AUTS2: variants seen among roughly 807,000 people sequenced by gnomAD.
The protein encoded by AUTS2 is activator of transcription and developmental regulator AUTS2.
In AUTS2, 17 loss-of-function variants were observed where a neutral mutation model predicts 112.4. That is an observed-to-expected ratio of 0.15 (90% CI 0.10 to 0.23). AUTS2 has a LOEUF of 0.23. AUTS2 is among the 10% of genes least tolerant of loss of function. The pLI is 1.00. For synonymous variants in AUTS2, 751 were observed against 702.7 expected (o/e 1.07, Z -1.09); for missense variants, 1,510 against 1,701.6 (o/e 0.89, Z 1.98).
chr7:69,937,082 G>A (rs557032937), intron 2 of AUTS2, among the ~76,000 whole-genome samples: 3 of 152,136 alleles, frequency 2.0e-5, no homozygotes, highest in Non-Finnish European at 4.4e-5. Context: ...TGTGTGTGAT[G>A]TGGAGTGGCC....
At chr7:70,171,894 GTTT>G (rs11295400) in intron 4 of AUTS2, among the ~76,000 whole-genome samples, 20 of 145,716 alleles carry the variant, frequency 1.4e-4, no homozygotes, top group East Asian at 4.2e-4. Flanking sequence ...TTATAAACAA[GTTT>G]TTTTTTTTGG....
intron 1 of AUTS2, among the ~76,000 whole-genome samples, chr7:69,892,383 A>G (rs890677706): frequency 1.3e-5 from 2 of 151,508 alleles, no homozygotes; most frequent in South Asian, 2.1e-4. Flanking sequence ...ACCTCAGGCA[A>G]TTTGCCTGCC....
Position 70,068,777 on chromosome 7 carries a change from C to G in AUTS2, c.523-49355C>G, listed in dbSNP as rs1431324388. Among the ~76,000 whole-genome samples the G allele has an allele frequency of 2.0e-5, 3 of 152,198 alleles. No individual in the cohort carries two copies. In the East Asian group the frequency reaches 5.8e-4, roughly 29 times the overall value. On this transcript the variant is annotated intron_variant, in intron 2 of 18. Transcript: ENST00000342771. ...TGGCTGACATGTTTTCCTAGCAAAG[C>G]AGAGGTACTTAACTAACCACAGAGA...
At chr7:70,773,396 A>G (rs1790486255) in intron 11 of AUTS2, among the ~76,000 whole-genome samples, 1 of 152,198 alleles carries the variant, frequency 6.6e-6, no homozygotes, top group Non-Finnish European at 1.5e-5. Context: ...TAAGGTTAAT[A>G]TTAGCAATAT....
chr7:69,649,846 C>A (rs1256349338), intron 1 of AUTS2, among the ~76,000 whole-genome samples: 1 of 152,122 alleles, frequency 6.6e-6, no homozygotes, highest in Non-Finnish European at 1.5e-5. Flanking sequence ...TGACTCTCAG[C>A]AAAATCTGGA....
intron 2 of AUTS2, among the ~76,000 whole-genome samples, chr7:70,034,540 T>A (rs931368019): frequency 6.6e-6 from 1 of 152,224 alleles, no homozygotes; most frequent in African/African-American, 2.4e-5. Context: ...ATGATTGCAA[T>A]AAGAACTTTT....
chr7:70,564,370 C>T (rs1801614104), intron 5 of AUTS2, among the ~76,000 whole-genome samples: 1 of 152,136 alleles, frequency 6.6e-6, no homozygotes, highest in African/African-American at 2.4e-5. Flanking sequence ...TGTTTTTATA[C>T]CCAGCACATA....
intron 1 of AUTS2, among the ~76,000 whole-genome samples, chr7:69,648,523 A>AT (rs929200215): frequency 3.6e-4 from 53 of 148,736 alleles, no homozygotes; most frequent in East Asian, 5.9e-4. Flanking sequence ...GTGGGATGGG[A>AT]TTTTTTTTTT....
intron 4 of AUTS2, among the ~76,000 whole-genome samples, chr7:70,329,508 AT>A (rs1790648007): frequency 6.6e-6 from 1 of 151,770 alleles, no homozygotes; most frequent in South Asian, 2.1e-4. Flanking sequence ...TAAATTTGAT[AT>A]GCATTTTCTT....
At chr7:70,273,862 G>T (rs1420156397) in intron 4 of AUTS2, among the ~76,000 whole-genome samples, 1 of 152,154 alleles carries the variant, frequency 6.6e-6, no homozygotes, top group Non-Finnish European at 1.5e-5. Flanking sequence ...AGGGTCAACT[G>T]TGTATCACTT....
At chr7:70,012,979 G>A (rs1799873774) in intron 2 of AUTS2, among the ~76,000 whole-genome samples, 2 of 152,062 alleles carry the variant, frequency 1.3e-5, no homozygotes, top group African/African-American at 2.4e-5. Context: ...AGAAAGAGGA[G>A]GAAAAGAATA....
At chr7:69,908,437 C>A (rs533506920) in intron 2 of AUTS2, among the ~76,000 whole-genome samples, 2 of 152,334 alleles carry the variant, frequency 1.3e-5, no homozygotes, top group African/African-American at 4.8e-5. Flanking sequence ...GGGCTTTTTA[C>A]ACCTAGGGGT....
In AUTS2 at chr7:69,899,079, T is replaced by C. The variant is rs563341814; in HGVS notation, c.310-207T>C. On this transcript the variant is annotated intron_variant, in intron 1 of 18. Coordinates refer to ENST00000342771, the MANE Select transcript of AUTS2 (RefSeq NM_015570.4). ...TGTTTAGTTTTCTGCCCAGTAATAA[T>C]AGAAAGGATATATATATTTGTGATG... Among the ~76,000 whole-genome samples the C allele has an allele frequency of 4.6e-5, 7 of 152,284 alleles. No individual in the cohort carries two copies. The South Asian group carries it at 8.3e-4, about 18-fold the overall frequency.
At chr7:69,966,481 A>C (rs1797640646) in intron 2 of AUTS2, among the ~76,000 whole-genome samples, 1 of 152,214 alleles carries the variant, frequency 6.6e-6, no homozygotes, top group African/African-American at 2.4e-5. Context: ...ATACATCCAA[A>C]TTCCTCTGCA....
chr7:70,467,540 GT>G (rs1797214184), intron 5 of AUTS2, among the ~76,000 whole-genome samples: 1 of 152,194 alleles, frequency 6.6e-6, no homozygotes, highest in Non-Finnish European at 1.5e-5. Flanking sequence ...AACTGTTAGT[GT>G]TTATTGAATA....
At chr7:70,390,898 C>T (rs76245417) in intron 4 of AUTS2, among the ~76,000 whole-genome samples, 7,516 of 152,256 alleles carry the variant, frequency 0.049, 272 homozygotes, top group Middle Eastern at 0.11. Context: ...CAAGCTCTTT[C>T]CTACTTCAAG....
chr7:70,409,702 G>A (rs765945776), intron 4 of AUTS2, among the ~76,000 whole-genome samples: 1 of 152,118 alleles, frequency 6.6e-6, no homozygotes, highest in Admixed American at 6.5e-5. Flanking sequence ...GAGCTGAGAC[G>A]TTATACTAAA....
intron 2 of AUTS2, among the ~76,000 whole-genome samples, chr7:69,907,846 G>T (rs1230188423): frequency 6.6e-6 from 1 of 152,202 alleles, no homozygotes; most frequent in Non-Finnish European, 1.5e-5. Context: ...AGTGGTTGAT[G>T]ATCTTGATTC....
chr7:70,096,210 A>G (rs1306349473), intron 2 of AUTS2, among the ~76,000 whole-genome samples: 1 of 152,208 alleles, frequency 6.6e-6, no homozygotes, highest in Non-Finnish European at 1.5e-5. Flanking sequence ...GGATATTTCA[A>G]GTACACTGAT....
Sources: gnomAD v4.1 joint callset for allele counts (sites outside exome capture counted in the v4.1 genomes callset) on GRCh38, gnomAD v4.1.1 for gene constraint, MANE v1.5 for transcripts, NCBI Gene and HGNC (gene_info 2026-07-23, HGNC 2026-07-21) for gene names.